The following SPAG4 variants were observed in gnomAD, a reference collection of about 807,000 sequenced individuals.
SPAG4 encodes the protein sperm-associated antigen 4 protein.
In SPAG4, 54 loss-of-function variants were observed where a neutral mutation model predicts 53.9. The observed-to-expected ratio is 1.00, with a 90% confidence interval of 0.80 to 1.26. The LOEUF (loss-of-function observed/expected upper bound fraction) is 1.26. Among genes scored for constraint, SPAG4 ranks in the 50% most tolerant of loss-of-function variants. The pLI, the probability that SPAG4 is intolerant of heterozygous loss-of-function variation, is 0.00. For synonymous variants in SPAG4, 246 were observed against 237.4 expected (o/e 1.04, Z -0.33); for missense variants, 548 against 568.6 (o/e 0.96, Z 0.37).
chr20:35,616,446 T>A, intron 1 of SPAG4, 139 bp downstream of exon 1: 1 of 1,274,632 alleles, frequency 7.8e-7, no homozygotes, highest in Non-Finnish European at 1.0e-6. Context: ...TGGTGCTAAA[T>A]GAGATCCCTT....
Position 35,618,669 on chromosome 20 carries a change from G to C in SPAG4, c.666G>C (p.Glu222Asp). The change falls in exon 7 of 12, where the codon GAG becomes GAC. Residue 222 changes from glutamate to aspartate, a missense_variant. Coordinates refer to ENST00000374273, the MANE Select transcript of SPAG4 (RefSeq NM_003116.3). The stretch of plus-strand genomic sequence containing the variant: ...AGCAGCTGCAGCAGCTCCAGGCCGA[G>C]CTGGATAAACTCCACAAGGAGGTGT... ...QGQQLQQLQAELDKLHKEVST... is the reference protein window; with the variant it reads ...QGQQLQQLQADLDKLHKEVST... 6.3e-7 allele frequency: 1 copy of C among 1,596,148 alleles called. No individual in the cohort carries two copies. The highest frequency in any genetic ancestry group is 8.5e-7 in the Non-Finnish European group (1 of 1,171,316).
rs765575483 is a variant in SPAG4, at chr20:35,616,258, C to T, written c.255C>T (p.His85=). Reference sequence around the variant, plus strand: ...AGCAGAAGCCAGCGCCTCGGAGCCACAACTGGCAGACAGCCTGTGGCGCGG... The same window carrying T: ...AGCAGAAGCCAGCGCCTCGGAGCCATAACTGGCAGACAGCCTGTGGCGCGG... ...SSQQKPAPRS[H]NWQTACGAAT... is the part of the protein sequence containing the mutation. Residue 85 remains histidine, a synonymous_variant, in exon 1 of 12, where the codon CAC becomes CAT. Transcript: ENST00000374273. 987 of 1,508,628 alleles carry T rather than the reference C, an allele frequency of 6.5e-4. 1 individual carries two copies. The highest frequency in any genetic ancestry group is 8.1e-4 in the Non-Finnish European group (923 of 1,132,806). 93.5% of individuals were successfully genotyped at this position (1,508,628 alleles called of 1,614,324 possible).
In SPAG4 at chr20:35,616,319, G is replaced by T; in HGVS notation, c.304+12G>T. On this transcript the variant is annotated intron_variant, in intron 1 of 11. Transcript: ENST00000374273. ...GGGCGGGGCCTCGGGTGCGGGCGGG[G>T]TCGACCCCGGGTGAGCCAGTGGAGG... The T allele has an allele frequency of 1.4e-6, 2 of 1,459,700 alleles. No individual in the cohort carries two copies. The highest frequency in any genetic ancestry group is 9.0e-7 in the Non-Finnish European group (1 of 1,110,292). The allele number at this position is 1,459,700 out of a possible 1,614,324, so 90.4% of individuals were successfully genotyped here. A position where few individuals can be genotyped will look rare whatever the true frequency, so the allele number is the denominator to read the frequency against.
chr20:35,617,063 C>A, intron 1 of SPAG4, 73 bp from the exon 2 acceptor site: 2 of 986,206 alleles, frequency 2.0e-6, no homozygotes, highest in Non-Finnish European at 3.1e-6. Context: ...ACTGAGCAAT[C>A]TGCGGCCCGG....
Position 35,616,019 on chromosome 20 carries a change from C to A in SPAG4, c.16C>A (p.Arg6Ser). 1 of 1,611,874 alleles carries A rather than the reference C, an allele frequency of 6.2e-7. No homozygotes were observed. The highest frequency in any genetic ancestry group is 8.5e-7 in the Non-Finnish European group (1 of 1,179,598). Reference sequence around the variant, plus strand: ...GGGGGTCAGGATGCGGCGAAGCTCCCGCCCGGGCTCGGCCTCGTCCTCGCG... The same window carrying A: ...GGGGGTCAGGATGCGGCGAAGCTCCAGCCCGGGCTCGGCCTCGTCCTCGCG... Reference protein sequence around the residue: MRRSSRPGSASSSRKH... With the variant: MRRSSSPGSASSSRKH... Residue 6 changes from arginine to serine, a missense_variant, in exon 1 of 12, where the codon CGC (arginine) becomes AGC (serine). Arg to Ser is a moderately radical substitution (Grantham distance 110). Transcript: ENST00000374273.
intron 10 of SPAG4, 30 bp downstream of exon 10, chr20:35,619,776 G>A: frequency 1.3e-6 from 2 of 1,587,536 alleles, no homozygotes; most frequent in Non-Finnish European, 1.7e-6. Context: ...GGAGGTGGGG[G>A]ATTTTGCCTA....
intron 1 of SPAG4, 124 bp downstream of exon 1, chr20:35,616,431 AG>A (rs1264942991): frequency 9.5e-6 from 13 of 1,363,472 alleles, no homozygotes; most frequent in Non-Finnish European, 1.1e-5. Flanking sequence ...TGTAGGGTAA[AG>A]GGATGGTGCT....
chr20:35,616,812 T>G (rs1330439705), intron 1 of SPAG4: 1 of 311,050 alleles, frequency 3.2e-6, no homozygotes, highest in Non-Finnish European at 6.0e-6. Flanking sequence ...GTGTTTTTAG[T>G]AGAGACGGGG....
rs2031440583 is a variant in SPAG4, at chr20:35,617,850, A to C, written c.538+10A>C. On this transcript the variant is annotated intron_variant, in intron 4 of 11. Transcript: ENST00000374273. The stretch of plus-strand genomic sequence containing the variant: ...AGCCTCTTTCTGTCAGGTGAGGGGC[A>C]GTGAATTCCCTGGAGCCCCTGCCCT... 2 of 1,613,382 alleles carry C rather than the reference A, an allele frequency of 1.2e-6. No individual in the cohort carries two copies.
intron 5 of SPAG4, 44 bp from the exon 6 acceptor site, chr20:35,618,406 G>T: frequency 6.2e-7 from 1 of 1,613,124 alleles, no homozygotes; most frequent in Non-Finnish European, 8.5e-7. Flanking sequence ...GAGCAAGGAC[G>T]ACGGGAGCTG....
At chr20:35,619,448 C>A in intron 9 of SPAG4, 131 bp from the exon 10 acceptor site, 1 of 1,388,108 alleles carries the variant, frequency 7.2e-7, no homozygotes, top group Non-Finnish European at 1.0e-6. Context: ...CCTGGCATTG[C>A]TGGGGACTGG....
In SPAG4 at chr20:35,617,634, G is replaced by A. The variant is rs953386436; in HGVS notation, c.476+48G>A. On this transcript the variant is annotated intron_variant, in intron 3 of 11. Coordinates refer to ENST00000374273, the MANE Select transcript of SPAG4 (RefSeq NM_003116.3). ...CCCCAGGAACAGCTCTTTGGAGGGG[G>A]TGGGGAGCAGGGCCGGAACCTTGCT... 26 of 1,599,724 alleles carry A rather than the reference G, an allele frequency of 1.6e-5. 1 individual carries two copies. Among genetic ancestry groups the A allele is most frequent in the South Asian group, 1.5e-4 (14 of 90,524 alleles).
At chr20:35,620,844 C>T in intron 11 of SPAG4, 32 bp from the exon 12 acceptor site, 1 of 1,612,924 alleles carries the variant, frequency 6.2e-7, no homozygotes, top group Admixed American at 1.7e-5. Context: ...AGGAGGAGGG[C>T]AGCCCTTGGC....
chr20:35,618,112 G>C lies in SPAG4; in HGVS notation c.564G>C (p.Leu188=), dbSNP rs895499581. 2.5e-6 allele frequency: 4 copies of C among 1,613,724 alleles called. No individual in the cohort carries two copies. The African/African-American group carries it at 4.0e-5, about 16-fold the overall frequency. ...LSAFWLGLLY[L]VSPLENEPKE... The stretch of plus-strand genomic sequence containing the variant: ...CATTCTGGCTGGGGCTTCTGTACCT[G>C]GTCTCTCCTTTGGAGAATGTGAGTT... The change falls in exon 5 of 12, where the codon CTG becomes CTC. Residue 188 remains leucine (L), a synonymous_variant. Transcript: ENST00000374273.
Position 35,619,312 on chromosome 20 carries a change from T to TGA in SPAG4, c.909+4_909+5dup. ...CGGCCGCCCACGGTTATCCTGGAGG[T>TGA]GAGTCTGGAAACATCCCGGGATGGG... On this transcript the variant is annotated splice_region_variant and intron_variant, in intron 9 of 11. Transcript: ENST00000374273. 6.2e-7 allele frequency: 1 copy of TGA among 1,612,088 alleles called. No individual in the cohort carries two copies. Among genetic ancestry groups the TGA allele is most frequent in the Non-Finnish European group, 8.5e-7 (1 of 1,178,334 alleles).
rs1417773874 is a variant in SPAG4 at position 35,617,235 on chromosome 20, T to G, written c.404T>G (p.Phe135Cys). ...EMPPPRVFKS[F>C]LSLLFQGLSV... is the part of the protein sequence containing the mutation. ...CCTCCCCCGCGGGTGTTCAAGAGCTTTCTGAGTACGGGCCAGGCCAGCTGC... is the reference window on the plus strand; with the variant it reads ...CCTCCCCCGCGGGTGTTCAAGAGCTGTCTGAGTACGGGCCAGGCCAGCTGC... The change falls in exon 2 of 12, where the codon TTT (phenylalanine) becomes TGT (cysteine). Residue 135 changes from phenylalanine (F) to cysteine (C), a missense_variant. Transcript: ENST00000374273. 6.3e-7 allele frequency: 1 copy of G among 1,594,854 alleles called. No homozygotes were observed. Among genetic ancestry groups the G allele is most frequent in the East Asian group, 2.3e-5 (1 of 44,096 alleles).
At chr20:35,618,027 AT>A in intron 4 of SPAG4, 59 bp from the exon 5 acceptor site, 1 of 1,558,332 alleles carries the variant, frequency 6.4e-7, no homozygotes, top group Admixed American at 1.7e-5. Context: ...CTGTCCCCCT[AT>A]GCCGGGGAAA....
At chr20:35,619,466 T>C in intron 9 of SPAG4, 113 bp from the exon 10 acceptor site, 1 of 1,450,338 alleles carries the variant, frequency 6.9e-7, no homozygotes. Context: ...TGGGGCGGGC[T>C]GGAGGTGGAG....
At position 35,619,067 on chromosome 20, in the gene SPAG4, A is replaced by T. The variant is rs1177742086; in HGVS notation, c.793+69A>T. On this transcript the variant is annotated intron_variant, in intron 8 of 11. Transcript: ENST00000374273. ...GAGGCCAAGACACTGACACAGACAG[A>T]CCCATGCACCTGACCGGCCGAAGAC... The T allele has an allele frequency of 2.0e-6, 3 of 1,482,764 alleles. No homozygotes were observed. In the African/African-American group the frequency reaches 4.2e-5, roughly 21 times the overall value. The allele number at this position is 1,482,764 out of a possible 1,614,324, so 91.9% of individuals were successfully genotyped here.
Sources: allele counts gnomAD v4.1 joint callset, GRCh38; gene constraint gnomAD v4.1.1; transcripts MANE v1.5; gene names NCBI Gene and HGNC (gene_info 2026-07-23, HGNC 2026-07-21).